Variants in CLPX observed in about 807,000 individuals in gnomAD.
CLPX encodes the protein caseinolytic mitochondrial matrix peptidase chaperone subunit X.
Under a neutral mutation model 76.4 loss-of-function variants are expected in CLPX, and 34 were observed. The ratio of observed to expected loss-of-function variants is 0.45; its 90% CI spans 0.34 to 0.59. The LOEUF is 0.59. CLPX is among the 20% of genes least tolerant of loss of function. The pLI is 0.01. For missense variants in CLPX, 613 were observed against 757.0 expected (o/e 0.81, Z 2.23); for synonymous variants, 248 against 270.9 (o/e 0.92, Z 0.83).
intron 6 of CLPX, among the ~76,000 whole-genome samples, chr15:65,160,592 TTCTCTC>T (rs1226717522): frequency 1.1e-3 from 136 of 118,506 alleles, no homozygotes; most frequent in Non-Finnish European, 1.4e-3. Flanking sequence ...CATTCACTCA[TTCTCTC>T]TCTCTCTCTC....
At chr15:65,168,122 G>A in intron 3 of CLPX, among the ~76,000 whole-genome samples, 1 of 151,622 alleles carries the variant, frequency 6.6e-6, no homozygotes, top group Middle Eastern at 3.2e-3. Context: ...AGGCATGGTG[G>A]CTCAGGCCTG....
chr15:65,158,155 C>A, intron 7 of CLPX: 1 of 371,194 alleles, frequency 2.7e-6, no homozygotes, highest in Non-Finnish European at 4.8e-6. Flanking sequence ...GCCTCAGCCT[C>A]AGGACTACAG....
intron 13 of CLPX, among the ~76,000 whole-genome samples, chr15:65,151,170 C>G (rs1162261450): frequency 1.3e-5 from 2 of 151,616 alleles, no homozygotes; most frequent in African/African-American, 2.4e-5. Flanking sequence ...CATGTTGAAA[C>G]CCCATCTCTA....
chr15:65,171,846 T>A (rs1396764730), intron 3 of CLPX, among the ~76,000 whole-genome samples: 1 of 152,246 alleles, frequency 6.6e-6, no homozygotes, highest in Non-Finnish European at 1.5e-5. Context: ...TTGCTTATTG[T>A]TGAAAGGTTG....
chr15:65,165,720 A>G (rs1467680864), intron 4 of CLPX, among the ~76,000 whole-genome samples: 2 of 152,088 alleles, frequency 1.3e-5, no homozygotes, highest in Non-Finnish European at 2.9e-5. Flanking sequence ...TCACATGTCT[A>G]AAGTCTACAC....
At chr15:65,168,378 TGTC>T (rs2087947996) in intron 3 of CLPX, among the ~76,000 whole-genome samples, 1 of 8,384 alleles carries the variant, frequency 1.2e-4, no homozygotes, top group Non-Finnish European at 3.7e-4. Flanking sequence ...AGTGAGACTC[TGTC>T]TCAAAAAAAA....
At chr15:65,151,814 A>G (rs2087724519) in intron 13 of CLPX, among the ~76,000 whole-genome samples, 1 of 152,254 alleles carries the variant, frequency 6.6e-6, no homozygotes, top group Non-Finnish European at 1.5e-5. Flanking sequence ...TGAGTTAAAC[A>G]GAAACCTAGC....
At chr15:65,165,414 C>T (rs955886197) in intron 4 of CLPX, among the ~76,000 whole-genome samples, 1 of 119,948 alleles carries the variant, frequency 8.3e-6, no homozygotes, top group African/African-American at 3.2e-5. Flanking sequence ...GACGGAGTCT[C>T]GCTCTTTCAC....
rs747677432 is a variant in CLPX at position 65,166,700 on chromosome 15, T to C, written c.444A>G (p.Lys148=). ...SEADSKKSII[K]EPESAAEAVK... ...CAGCTTCTGCTGCTGATTCAGGTTC[T>C]TTAATTATGCTTTTCTTTGAGTCTG... Residue 148 remains lysine (K), a synonymous_variant, in exon 4 of 14, where the codon AAA becomes AAG. Transcript: ENST00000300107. The C allele has an allele frequency of 1.7e-5, 28 of 1,614,156 alleles. No homozygotes were observed. Among genetic ancestry groups the C allele is most frequent in the Non-Finnish European group, 2.3e-5 (27 of 1,180,010 alleles).
chr15:65,180,292 G>GA, intron 1 of CLPX, 88 bp from the exon 2 acceptor site: 3 of 983,336 alleles, frequency 3.1e-6, no homozygotes, highest in South Asian at 1.9e-5. Flanking sequence ...AAAGGAGGTT[G>GA]AAAAAAAGCT....
intron 10 of CLPX, among the ~76,000 whole-genome samples, 174 bp downstream of exon 10, chr15:65,155,518 G>A (rs1290732994): frequency 6.6e-6 from 1 of 152,272 alleles, no homozygotes; most frequent in East Asian, 1.9e-4. Flanking sequence ...AAAGAACTGG[G>A]ATTATAGGCA....
intron 4 of CLPX, 83 bp downstream of exon 4, chr15:65,166,548 G>C (rs766239247): frequency 7.3e-7 from 1 of 1,378,012 alleles, no homozygotes; most frequent in African/African-American, 1.5e-5. Flanking sequence ...ACTAGTATTA[G>C]GATTCAGTGT....
chr15:65,175,701 T>G (rs545637520), intron 3 of CLPX, among the ~76,000 whole-genome samples: 1 of 152,290 alleles, frequency 6.6e-6, no homozygotes, highest in Admixed American at 6.5e-5. Context: ...CATGACGCAC[T>G]CAAAAGGATT....
chr15:65,159,821 T>C (rs1008637557), intron 6 of CLPX, among the ~76,000 whole-genome samples: 1 of 151,238 alleles, frequency 6.6e-6, no homozygotes, highest in Non-Finnish European at 1.5e-5. Context: ...CTTTTTTTTT[T>C]TTTTATTTTG....
chr15:65,165,167 T>C (rs915566165), intron 4 of CLPX, among the ~76,000 whole-genome samples: 6 of 151,710 alleles, frequency 4.0e-5, no homozygotes, highest in East Asian at 1.9e-4. Flanking sequence ...CAAAACCCTG[T>C]CTCTACAGAA....
intron 12 of CLPX, 22 bp from the exon 13 acceptor site, chr15:65,152,558 A>C: frequency 7.4e-7 from 1 of 1,344,388 alleles, no homozygotes; most frequent in Non-Finnish European, 1.0e-6. Context: ...AAAAGTAATG[A>C]ATCACATTGA....
At chr15:65,183,232 G>A (rs1321197878) in intron 1 of CLPX, among the ~76,000 whole-genome samples, 4 of 151,946 alleles carry the variant, frequency 2.6e-5, no homozygotes, top group Non-Finnish European at 5.9e-5. Flanking sequence ...GGAGGCCGAG[G>A]CGGACGGATC....
At chr15:65,160,623 TCACACACA>T (rs375655324) in intron 6 of CLPX, among the ~76,000 whole-genome samples, 28 of 101,028 alleles carry the variant, frequency 2.8e-4, no homozygotes, top group African/African-American at 4.1e-4. Context: ...TCTCTCTCTC[TCACACACA>T]CACACACACA....
chr15:65,183,460 CAAAAAAA>C (rs61002905), intron 1 of CLPX, among the ~76,000 whole-genome samples: 2 of 66,268 alleles, frequency 3.0e-5, no homozygotes, highest in Admixed American at 4.4e-4. Flanking sequence ...GACTCTGTCT[CAAAAAAA>C]AAAAAAAAAA....
Sources: gnomAD v4.1 joint callset for allele counts (sites outside exome capture counted in the v4.1 genomes callset) on GRCh38, gnomAD v4.1.1 for gene constraint, MANE v1.5 for transcripts, NCBI Gene and HGNC (gene_info 2026-07-23, HGNC 2026-07-21) for gene names.